PDLIM2: variants seen among roughly 807,000 people sequenced by gnomAD.
PDLIM2 encodes the protein PDZ and LIM domain 2.
A neutral mutation model predicts 54.1 loss-of-function variants in PDLIM2; 51 were observed. That is an observed-to-expected ratio of 0.94 (90% confidence interval 0.75 to 1.19). The LOEUF (loss-of-function observed/expected upper bound fraction) is 1.19, where lower values mean the gene tolerates loss of function less well. PDLIM2 is among the 50% of genes most tolerant of loss of function. The probability of loss-of-function intolerance (pLI) is 0.00; values close to 1 mark genes in which losing one functional copy is unlikely to be tolerated. For synonymous variants in PDLIM2, 398 were observed against 385.6 expected (o/e 1.03, Z -0.38); for missense variants, 912 against 874.0 (o/e 1.04, Z -0.55).
exon 1 of PDLIM2, chr8:22,579,062 G>C: frequency 8.0e-7 from 1 of 1,248,624 alleles, no homozygotes; most frequent in Non-Finnish European, 1.0e-6. Flanking sequence ...GGCTAGGGGC[G>C]GCGGCAGGGG....
At chr8:22,579,829 C>T (rs893211599) in intron 1 of PDLIM2, 1 of 323,320 alleles carries the variant, frequency 3.1e-6, no homozygotes, top group Non-Finnish European at 5.6e-6. Context: ...CCTTGCCCAG[C>T]GGAGGGGCTG....
chr8:22,582,185 G>T (rs959927159), intron 3 of PDLIM2, among the ~76,000 whole-genome samples: 1 of 152,202 alleles, frequency 6.6e-6, no homozygotes, highest in African/African-American at 2.4e-5. Context: ...CGAGCCAGGA[G>T]AGCCCTCTGC....
At chr8:22,579,639 G>C (rs763395493) in intron 1 of PDLIM2, 65 of 1,227,860 alleles carry the variant, frequency 5.3e-5, no homozygotes, top group Non-Finnish European at 6.9e-5. Flanking sequence ...GGATGGAGCG[G>C]ACAGACCGCT....
At chr8:22,591,463 G>A in intron 8 of PDLIM2, 88 bp from the exon 8 acceptor site, 3 of 1,176,118 alleles carry the variant, frequency 2.6e-6, no homozygotes, top group South Asian at 2.5e-5. Context: ...TTATAAGGGT[G>A]CTTTCCAAGA....
At chr8:22,593,577 CAAAAAAAA>C (rs59345957) in intron 9 of PDLIM2, 148 bp from the exon 9 acceptor site, 27,963 of 385,412 alleles carry the variant, frequency 0.073, 52 homozygotes, top group South Asian at 0.1. Flanking sequence ...AACTCCATCT[CAAAAAAAA>C]AAAAAAAAAA....
At chr8:22,591,415 T>C in intron 8 of PDLIM2, 136 bp from the exon 8 acceptor site, 1 of 760,328 alleles carries the variant, frequency 1.3e-6, no homozygotes. Context: ...CCTTCCTCCT[T>C]ACCTGGTGCC....
exon 1 of PDLIM2, chr8:22,579,117 G>C: frequency 7.8e-7 from 1 of 1,275,730 alleles, no homozygotes; most frequent in East Asian, 3.2e-5. Context: ...GGAGCCCCGG[G>C]CGGGCTCTCC....
intron 6 of PDLIM2, among the ~76,000 whole-genome samples, chr8:22,586,277 G>A (rs1446598348): frequency 5.3e-5 from 8 of 152,216 alleles, no homozygotes; most frequent in African/African-American, 1.9e-4. Context: ...GACCCGCTGC[G>A]TGCCCACCCA....
intron 1 of PDLIM2, chr8:22,579,549 C>A (rs1800130200): frequency 2.1e-6 from 3 of 1,441,028 alleles, no homozygotes; most frequent in African/African-American, 3.0e-5. Flanking sequence ...TCGGGGCGGC[C>A]GCGAGCCGGC....
downstream of PDLIM2, chr8:22,594,924 T>C: frequency 8.8e-6 from 3 of 339,740 alleles, no homozygotes; most frequent in South Asian, 1.3e-4. Context: ...GACCTGTCTG[T>C]TGAAAAAAAC....
At chr8:22,589,264 C>A in intron 6 of PDLIM2, 34 bp from the exon 6 acceptor site, 1 of 1,532,570 alleles carries the variant, frequency 6.5e-7, no homozygotes, top group Non-Finnish European at 8.7e-7. Context: ...AAGGCTCTGG[C>A]CCTGACTCCT....
At position 22,589,278 on chromosome 8, in the gene PDLIM2, C is replaced by T. The variant is rs1252796684; in HGVS notation, c.1291-20C>T. 4.1e-5 allele frequency: 63 copies of T among 1,533,420 alleles called. No individual in the cohort carries two copies. The highest frequency in any genetic ancestry group is 2.3e-4 in the Middle Eastern group (1 of 4,382). The allele number at this position is 1,533,420 out of a possible 1,614,324, so 95.0% of individuals were successfully genotyped here. A position where few individuals can be genotyped will look rare whatever the true frequency, so the allele number is the denominator to read the frequency against. ...CAAGGCTCTGGCCCTGACTCCTCCC[C>T]GGCTGCCTCCTCCCAACAGGCCGGC... On this transcript the variant is annotated intron_variant, in intron 6 of 9. Transcript: ENST00000308354.
exon 1 of PDLIM2, chr8:22,578,762 C>T (rs1018487144): frequency 4.9e-6 from 6 of 1,233,570 alleles, no homozygotes; most frequent in Middle Eastern, 2.1e-4. Flanking sequence ...GGCAGCCCAC[C>T]CTGCCCAGGA....
chr8:22,589,349 C>A, exon 7 of PDLIM2: 1 of 1,534,688 alleles, frequency 6.5e-7, no homozygotes, highest in Non-Finnish European at 8.7e-7. Flanking sequence ...GCCGCCTTCC[C>A]CGGGCCCTCG....
intron 1 of PDLIM2, chr8:22,579,592 C>G: frequency 7.2e-7 from 1 of 1,398,330 alleles, no homozygotes. Flanking sequence ...GTGCTGGGAA[C>G]AGAGGCTAGG....
chr8:22,594,527 C>T (rs371603249), downstream of PDLIM2: 157 of 1,613,884 alleles, frequency 9.7e-5, no homozygotes, highest in Non-Finnish European at 1.3e-4. Flanking sequence ...GCCCGTTTTA[C>T]AGGAGGACGC....
chr8:22,593,702 C>T (rs1452830650), intron 9 of PDLIM2, 31 bp from the exon 9 acceptor site: 38 of 1,542,974 alleles, frequency 2.5e-5, no homozygotes, highest in Non-Finnish European at 3.2e-5. Context: ...GGTGCTGTGG[C>T]TCTGAGCTAA....
At position 22,579,079 on chromosome 8, in the gene PDLIM2, C is replaced by G. The variant is rs1345843013; in HGVS notation, c.300C>G (p.Pro100=). The stretch of plus-strand genomic sequence containing the variant: ...CTAGGGGCGGCGGCAGGGGCGGCCC[C>G]GGGATCACATGGGCGGAGGCAGGTC... Residue 100 remains proline (P), a synonymous_variant, in exon 1 of 10, where the codon CCC becomes CCG. Transcript: ENST00000308354. 8 of 1,255,120 alleles carry G rather than the reference C, an allele frequency of 6.4e-6. No individual in the cohort carries two copies. In the Admixed American group the frequency reaches 3.4e-4, roughly 53 times the overall value. 77.7% of individuals were successfully genotyped at this position (1,255,120 alleles called of 1,614,324 possible). A position where few individuals can be genotyped will look rare whatever the true frequency, so the allele number is the denominator to read the frequency against.
At chr8:22,591,412 C>T (rs1482390914) in intron 8 of PDLIM2, 139 bp from the exon 8 acceptor site, 2 of 750,764 alleles carry the variant, frequency 2.7e-6, no homozygotes, top group Non-Finnish European at 4.6e-6. Context: ...TCACCTTCCT[C>T]CTTACCTGGT....
Sources: allele counts gnomAD v4.1 joint callset (sites outside exome capture counted in the v4.1 genomes callset), GRCh38; gene constraint gnomAD v4.1.1; transcripts MANE v1.5; gene names NCBI Gene and HGNC (gene_info 2026-07-23, HGNC 2026-07-21).